Variants in C1QTNF7 observed in about 807,000 individuals in gnomAD.
C1QTNF7 encodes the protein complement C1q tumor necrosis factor-related protein 7.
A neutral mutation model predicts 19.6 loss-of-function variants in C1QTNF7; 15 were observed. The ratio of observed to expected loss-of-function variants is 0.76; its 90% CI spans 0.51 to 1.18. C1QTNF7 has a LOEUF of 1.18. C1QTNF7 is among the 50% of genes most tolerant of loss of function. C1QTNF7 has a pLI of 0.00. For synonymous variants in C1QTNF7, 142 were observed against 137.5 expected (o/e 1.03, Z -0.23); for missense variants, 324 against 359.7 (o/e 0.90, Z 0.80).
chr4:15,400,586 T>C (rs1270128053), intron 1 of C1QTNF7, among the ~76,000 whole-genome samples: 1 of 152,256 alleles, frequency 6.6e-6, no homozygotes, highest in African/African-American at 2.4e-5. Context: ...GTCAGTGTCC[T>C]GGCTGGATGA....
At chr4:15,358,554 C>T (rs977882032) in intron 1 of C1QTNF7, 5 of 152,066 alleles carry the variant, frequency 3.3e-5, no homozygotes, top group African/African-American at 1.2e-4. Context: ...TGTGTCTCTG[C>T]CAGGTTTTGG....
intron 1 of C1QTNF7, among the ~76,000 whole-genome samples, chr4:15,356,780 C>T (rs756974536): frequency 9.2e-5 from 14 of 152,012 alleles, no homozygotes; most frequent in African/African-American, 1.7e-4. Context: ...TTCTTTTTAA[C>T]GATTGCCATT....
rs181040880 is a variant in C1QTNF7, at chr4:15,414,480, A to G, written c.14-21256A>G. On this transcript the variant is annotated intron_variant, in intron 1 of 2. Coordinates refer to the C1QTNF7 transcript ENST00000295297. ...CTTGATTAAAGCTAAAGAACACACTAATAGGGCTTTGGGGGTACAAACACA... is the reference window on the plus strand; with the variant it reads ...CTTGATTAAAGCTAAAGAACACACTGATAGGGCTTTGGGGGTACAAACACA... 4.7e-4 allele frequency among the ~76,000 whole-genome samples: 72 copies of G among 152,172 alleles called. 1 individual carries two copies. In the East Asian group the frequency reaches 0.011, roughly 23 times the overall value.
At chr4:15,372,660 T>C (rs543360379) in intron 1 of C1QTNF7, among the ~76,000 whole-genome samples, 1 of 152,336 alleles carries the variant, frequency 6.6e-6, no homozygotes, top group African/African-American at 2.4e-5. Context: ...ACTTGATCAT[T>C]TTCAAGGGGG....
intron 1 of C1QTNF7, among the ~76,000 whole-genome samples, chr4:15,389,388 C>G (rs1012399221): frequency 3.3e-5 from 5 of 152,050 alleles, no homozygotes; most frequent in African/African-American, 1.2e-4. Flanking sequence ...CTCTTCACTC[C>G]TGTGCATGAT....
chr4:15,346,099 T>G (rs982418671), intron 1 of C1QTNF7, among the ~76,000 whole-genome samples: 4 of 152,238 alleles, frequency 2.6e-5, no homozygotes, highest in African/African-American at 9.6e-5. Flanking sequence ...AAATAGAGAA[T>G]TTCTTAATGA....
At chr4:15,423,665 C>T (rs1711896559), upstream of C1QTNF7, among the ~76,000 whole-genome samples, 1 of 152,192 alleles carries the variant, frequency 6.6e-6, no homozygotes, top group Non-Finnish European at 1.5e-5. Flanking sequence ...CCCCGCCTGG[C>T]CCAGGCACAT....
chr4:15,383,147 A>G (rs933996106), intron 1 of C1QTNF7, among the ~76,000 whole-genome samples: 2 of 151,936 alleles, frequency 1.3e-5, no homozygotes, highest in African/African-American at 2.4e-5. Context: ...GTACTCAGGA[A>G]CTCCAAGGCA....
At chr4:15,406,170 A>T (rs1470322903) in intron 1 of C1QTNF7, among the ~76,000 whole-genome samples, 1 of 152,146 alleles carries the variant, frequency 6.6e-6, no homozygotes, top group African/African-American at 2.4e-5. Context: ...TCTACTCTAC[A>T]ACACCAATCC....
At chr4:15,422,046 A>G (rs1303167293) in intron 1 of C1QTNF7, among the ~76,000 whole-genome samples, 1 of 152,100 alleles carries the variant, frequency 6.6e-6, no homozygotes, top group African/African-American at 2.4e-5. Flanking sequence ...ACTGACTACA[A>G]AGGGACATAA....
At chr4:15,387,474 A>T (rs1386331403) in intron 1 of C1QTNF7, among the ~76,000 whole-genome samples, 1 of 152,186 alleles carries the variant, frequency 6.6e-6, no homozygotes, top group East Asian at 1.9e-4. Flanking sequence ...CAGATTCAGA[A>T]GAGAAAGAGG....
intron 1 of C1QTNF7, among the ~76,000 whole-genome samples, chr4:15,435,105 T>C (rs905199295): frequency 7.2e-5 from 11 of 152,226 alleles, no homozygotes; most frequent in African/African-American, 2.7e-4. Flanking sequence ...GATGTTCATA[T>C]TGGGAGAACT....
intron 1 of C1QTNF7, among the ~76,000 whole-genome samples, chr4:15,392,059 G>A (rs1718580720): frequency 6.6e-6 from 1 of 152,200 alleles, no homozygotes; most frequent in Admixed American, 6.5e-5. Flanking sequence ...TTTAACTTAA[G>A]CTGTGGACTG....
At chr4:15,350,019 AAGGGAGGAAGGG>A (rs754050826) in intron 1 of C1QTNF7, among the ~76,000 whole-genome samples, 67 of 145,590 alleles carry the variant, frequency 4.6e-4, no homozygotes, top group Non-Finnish European at 8.1e-4. Flanking sequence ...AGATAAAAGG[AAGGGAGGAAGGG>A]AGGGAGGAAG....
rs1712509398 is a variant in C1QTNF7, at chr4:15,435,810, T to C, written c.67T>C (p.Leu23=). 1.2e-6 allele frequency: 2 copies of C among 1,614,088 alleles called. No homozygotes were observed. The highest frequency in any genetic ancestry group is 1.7e-5 in the Admixed American group (1 of 60,020). The change falls in exon 2 of 3, where the codon TTG becomes CTG. Residue 23 remains leucine (L), a synonymous_variant. Coordinates refer to ENST00000444304, the MANE Select transcript of C1QTNF7 (RefSeq NM_031911.5). ...CAGTGGACAACCCCGGGGTAATCAG[T>C]TGAAAGGAGAGAACTACTCCCCCAG... ...CASGQPRGNQ[L]KGENYSPRYI... is the part of the protein sequence containing the mutation.
chr4:15,387,354 G>A lies in C1QTNF7; in HGVS notation c.13+47147G>A, dbSNP rs545045750. Among the ~76,000 whole-genome samples the A allele has an allele frequency of 2.5e-4, 38 of 152,198 alleles. No individual in the cohort carries two copies. In the East Asian group the frequency reaches 4.4e-3, roughly 18 times the overall value. On this transcript the variant is annotated intron_variant, in intron 1 of 2. Transcript: ENST00000295297. Reference sequence around the variant, plus strand: ...AGTGTGGCATTCAGGAGGGAGGTCTGGGCTAGAAATAGACATTACAAGCCA... The same window carrying A: ...AGTGTGGCATTCAGGAGGGAGGTCTAGGCTAGAAATAGACATTACAAGCCA...
chr4:15,384,061 C>T (rs1304864731), intron 1 of C1QTNF7, among the ~76,000 whole-genome samples: 1 of 152,216 alleles, frequency 6.6e-6, no homozygotes, highest in Non-Finnish European at 1.5e-5. Context: ...TCCTGACTCA[C>T]AGCTGTGTCC....
rs939863828 is a variant in C1QTNF7 at position 15,409,913 on chromosome 4, T to C, written c.14-25823T>C. 8.5e-5 allele frequency among the ~76,000 whole-genome samples: 13 copies of C among 152,326 alleles called. No individual in the cohort carries two copies. In the East Asian group the frequency reaches 1.9e-3, roughly 23 times the overall value. On this transcript the variant is annotated intron_variant, in intron 1 of 2. Transcript: ENST00000295297. ...ATATGATGACTCTTTTTTTCTCCAT[T>C]GTCCTTGTGCTGGAATGAAGGTTAT...
chr4:15,347,101 G>C (rs1018831026), intron 1 of C1QTNF7, among the ~76,000 whole-genome samples: 2 of 152,112 alleles, frequency 1.3e-5, no homozygotes, highest in African/African-American at 4.8e-5. Flanking sequence ...CTCATTTCTT[G>C]AAGACAATTT....
Sources: allele counts gnomAD v4.1 joint callset (sites outside exome capture counted in the v4.1 genomes callset), GRCh38; gene constraint gnomAD v4.1.1; transcripts MANE v1.5; gene names NCBI Gene and HGNC (gene_info 2026-07-23, HGNC 2026-07-21).